Variants in DPP10 observed in about 807,000 individuals in gnomAD.
The protein encoded by DPP10 is dipeptidyl peptidase like 10.
In DPP10, 33 loss-of-function variants were observed where a neutral mutation model predicts 120.9. The ratio of observed to expected loss-of-function variants is 0.27; its 90% CI spans 0.21 to 0.37. The LOEUF (loss-of-function observed/expected upper bound fraction) is 0.37, where lower values mean the gene tolerates loss of function less well. Among genes scored for constraint, DPP10 ranks in the 10% least tolerant of loss-of-function variants. The probability of loss-of-function intolerance (pLI) is 1.00; values close to 1 mark genes in which losing one functional copy is unlikely to be tolerated. For synonymous variants in DPP10, 337 were observed against 326.1 expected (o/e 1.03, Z -0.36); for missense variants, 816 against 942.8 (o/e 0.87, Z 1.76).
intron 5 of DPP10, among the ~76,000 whole-genome samples, chr2:115,542,912 G>A (rs2079257684): frequency 6.6e-6 from 1 of 151,702 alleles, no homozygotes; most frequent in African/African-American, 2.4e-5. Flanking sequence ...TAGTTTAATT[G>A]CAATTTTATC....
At chr2:115,154,416 C>T (rs533021169) in intron 1 of DPP10, among the ~76,000 whole-genome samples, 3 of 152,224 alleles carry the variant, frequency 2.0e-5, no homozygotes, top group Non-Finnish European at 4.4e-5. Context: ...CTGATGGGTT[C>T]TTACTCATAT....
chr2:114,780,230 T>A (rs1320097329), intron 1 of DPP10, among the ~76,000 whole-genome samples: 1 of 152,168 alleles, frequency 6.6e-6, no homozygotes, highest in Non-Finnish European at 1.5e-5. Flanking sequence ...CAGACAAAAC[T>A]GTTGTGATGA....
intron 1 of DPP10, among the ~76,000 whole-genome samples, chr2:114,523,607 G>T (rs764003541): frequency 1.3e-5 from 2 of 152,148 alleles, no homozygotes; most frequent in Non-Finnish European, 2.9e-5. Flanking sequence ...GAAAAGAGGC[G>T]CTGTAGAGGG....
At chr2:115,628,819 T>A (rs2085585905) in intron 5 of DPP10, among the ~76,000 whole-genome samples, 3 of 151,800 alleles carry the variant, frequency 2.0e-5, no homozygotes, top group African/African-American at 7.2e-5. Context: ...AGTTTTTTTT[T>A]ATTATTATTA....
chr2:114,936,481 C>T (rs1696490864), intron 1 of DPP10, among the ~76,000 whole-genome samples: 1 of 150,986 alleles, frequency 6.6e-6, no homozygotes, highest in East Asian at 1.9e-4. Context: ...ATTTTTTTAT[C>T]CACTAGTTGA....
intron 4 of DPP10, among the ~76,000 whole-genome samples, chr2:115,502,279 T>G (rs2076721944): frequency 6.6e-6 from 1 of 152,130 alleles, no homozygotes; most frequent in South Asian, 2.1e-4. Flanking sequence ...AAAAAATACT[T>G]TTTTAAAAAT....
At chr2:114,878,960 T>C (rs1437806546) in intron 1 of DPP10, among the ~76,000 whole-genome samples, 1 of 152,122 alleles carries the variant, frequency 6.6e-6, no homozygotes, top group Non-Finnish European at 1.5e-5. Context: ...TTGTAACATA[T>C]ATACCTGAAA....
At chr2:114,783,244 G>T (rs1018234431) in intron 1 of DPP10, among the ~76,000 whole-genome samples, 1 of 152,044 alleles carries the variant, frequency 6.6e-6, no homozygotes, top group Admixed American at 6.6e-5. Context: ...ATAGCTAATA[G>T]AAAAAGGAAA....
At chr2:114,684,470 T>C (rs183020846) in intron 1 of DPP10, among the ~76,000 whole-genome samples, 1 of 152,038 alleles carries the variant, frequency 6.6e-6, no homozygotes, top group Non-Finnish European at 1.5e-5. Context: ...AAGTGTTTTC[T>C]TTCCCTCCCT....
At chr2:115,445,868 G>A (rs1374093836) in intron 3 of DPP10, among the ~76,000 whole-genome samples, 1 of 152,212 alleles carries the variant, frequency 6.6e-6, no homozygotes, top group Admixed American at 6.5e-5. Context: ...TTTCATCACA[G>A]GCCTGGAGGT....
chr2:115,014,041 A>C (rs560211906), intron 1 of DPP10, among the ~76,000 whole-genome samples: 119 of 152,328 alleles, frequency 7.8e-4, no homozygotes, highest in African/African-American at 2.8e-3. Context: ...CAGAATATAC[A>C]TTCTTCTGAG....
At chr2:115,573,443 C>T (rs1487710392) in intron 5 of DPP10, among the ~76,000 whole-genome samples, 6 of 151,378 alleles carry the variant, frequency 4.0e-5, no homozygotes, top group South Asian at 2.1e-4. Context: ...CCACCACGCC[C>T]GGCTAATTTT....
intron 1 of DPP10, among the ~76,000 whole-genome samples, chr2:114,648,203 A>ACTTT (rs1696285184): frequency 6.6e-6 from 1 of 152,172 alleles, no homozygotes; most frequent in Non-Finnish European, 1.5e-5. Context: ...GACAAGGGCA[A>ACTTT]CTGATCAAAA....
chr2:114,823,084 G>A (rs1459552981), intron 1 of DPP10, among the ~76,000 whole-genome samples: 5 of 151,974 alleles, frequency 3.3e-5, no homozygotes, highest in African/African-American at 4.8e-5. Flanking sequence ...TACTCTACCG[G>A]TACCAATTTA....
intron 1 of DPP10, among the ~76,000 whole-genome samples, chr2:114,443,361 T>C (rs927106619): frequency 1.3e-5 from 2 of 152,162 alleles, no homozygotes; most frequent in Admixed American, 1.3e-4. Flanking sequence ...TAAAATCACA[T>C]GTCTTTATTT....
chr2:115,365,225 G>A (rs565508060), intron 3 of DPP10, among the ~76,000 whole-genome samples: 15 of 152,138 alleles, frequency 9.9e-5, no homozygotes, highest in African/African-American at 3.1e-4. Flanking sequence ...GCTGATGGAG[G>A]TACTCTGCAT....
At chr2:114,777,600 C>T (rs1408941144) in intron 1 of DPP10, among the ~76,000 whole-genome samples, 1 of 152,092 alleles carries the variant, frequency 6.6e-6, no homozygotes, top group East Asian at 1.9e-4. Flanking sequence ...TTCAGAGTTG[C>T]TGAATGTCTC....
At chr2:115,835,102 C>T (rs968698438) in intron 21 of DPP10, among the ~76,000 whole-genome samples, 2 of 151,360 alleles carry the variant, frequency 1.3e-5, no homozygotes, top group Admixed American at 6.6e-5. Flanking sequence ...CACCACTGCA[C>T]TCCAGCCTGG....
rs560875961 is a variant in DPP10, at chr2:114,701,255, C to T, written c.60+258417C>T. ...TGCTTAATGCTCCACATTCATCATT[C>T]CATTTGATCTTTACAAAAATCTCAG... On this transcript the variant is annotated intron_variant, in intron 1 of 25. Coordinates refer to ENST00000410059, the MANE Select transcript of DPP10 (RefSeq NM_020868.6). Among the ~76,000 whole-genome samples, 11 of 152,136 alleles carry T rather than the reference C, an allele frequency of 7.2e-5. No individual in the cohort carries two copies. In the South Asian group the frequency reaches 2.3e-3, roughly 32 times the overall value.
Sources: allele counts gnomAD v4.1 joint callset (sites outside exome capture counted in the v4.1 genomes callset), GRCh38; gene constraint gnomAD v4.1.1; transcripts MANE v1.5; gene names NCBI Gene and HGNC (gene_info 2026-07-23, HGNC 2026-07-21).